ME1: variants seen among roughly 807,000 people sequenced by gnomAD.
ME1 encodes the protein malic enzyme 1.
Under a neutral mutation model 66.4 loss-of-function variants are expected in ME1, and 74 were observed. The ratio of observed to expected loss-of-function variants is 1.11; its 90% confidence interval spans 0.92 to 1.35. The LOEUF (loss-of-function observed/expected upper bound fraction) is 1.35. Ranked by LOEUF, ME1 falls within the 40% of genes most tolerant of loss-of-function variation. The pLI, the probability that ME1 is intolerant of heterozygous loss-of-function variation, is 0.00. For synonymous variants in ME1, 251 were observed against 235.6 expected, an observed-to-expected ratio of 1.07 and a Z score of -0.60; for missense variants, 750 against 694.1, an observed-to-expected ratio of 1.08 and a Z score of -0.90.
intron 6 of ME1, among the ~76,000 whole-genome samples, chr6:83,309,908 T>A (rs1447852385): frequency 6.6e-6 from 1 of 152,022 alleles, no homozygotes. Flanking sequence ...AGAAATTCTG[T>A]ATGTTGGGCT....
intron 13 of ME1, among the ~76,000 whole-genome samples, chr6:83,214,016 TTTA>T (rs1472275305): frequency 6.6e-6 from 1 of 152,212 alleles, no homozygotes; most frequent in South Asian, 2.1e-4. Context: ...TTTAAACAGA[TTTA>T]TTGAGATATA....
intron 12 of ME1, among the ~76,000 whole-genome samples, chr6:83,220,239 TA>T (rs1213623196): frequency 1.3e-5 from 2 of 152,126 alleles, no homozygotes; most frequent in Non-Finnish European, 2.9e-5. Flanking sequence ...GATGATTATC[TA>T]AAGGGTCCTC....
intron 6 of ME1, among the ~76,000 whole-genome samples, chr6:83,309,339 T>A (rs1416588806): frequency 6.6e-6 from 1 of 151,974 alleles, no homozygotes; most frequent in Non-Finnish European, 1.5e-5. Context: ...GTAAAAGAGG[T>A]TCAGTTAAGA....
At chr6:83,424,059 T>C (rs1341394806) in intron 1 of ME1, among the ~76,000 whole-genome samples, 1 of 149,940 alleles carries the variant, frequency 6.7e-6, no homozygotes, top group Admixed American at 6.7e-5. Flanking sequence ...ATCACGCCAT[T>C]GCACTCCAGC....
At chr6:83,270,406 T>TA (rs3839446) in intron 6 of ME1, among the ~76,000 whole-genome samples, 10,806 of 150,108 alleles carry the variant, frequency 0.072, 474 homozygotes, top group Admixed American at 0.097. Context: ...TTCTCAAAAA[T>TA]AAAAAAAAAA....
At chr6:83,237,318 A>G (rs1411162290) in intron 9 of ME1, among the ~76,000 whole-genome samples, 1 of 143,536 alleles carries the variant, frequency 7.0e-6, no homozygotes. Flanking sequence ...AAGAAAGAAA[A>G]GGAAGGAAAG....
At chr6:83,279,821 C>T (rs1263795753) in intron 6 of ME1, among the ~76,000 whole-genome samples, 1 of 152,126 alleles carries the variant, frequency 6.6e-6, no homozygotes, top group Non-Finnish European at 1.5e-5. Flanking sequence ...ATTATCTACA[C>T]ATAGGCATAT....
chr6:83,221,171 T>C (rs1393348255), intron 12 of ME1, among the ~76,000 whole-genome samples: 3 of 133,586 alleles, frequency 2.2e-5, no homozygotes, highest in African/African-American at 3.2e-5. Flanking sequence ...AAAAAAAAGA[T>C]AATCTACAAT....
chr6:83,323,573 G>A (rs1187877597), intron 5 of ME1, among the ~76,000 whole-genome samples: 2 of 151,362 alleles, frequency 1.3e-5, no homozygotes, highest in Non-Finnish European at 2.9e-5. Context: ...AACAAATAAA[G>A]ATCAAAAGAG....
At chr6:83,272,793 C>A (rs1370584910) in intron 6 of ME1, among the ~76,000 whole-genome samples, 1 of 152,136 alleles carries the variant, frequency 6.6e-6, no homozygotes, top group African/African-American at 2.4e-5. Flanking sequence ...TATGCGTATA[C>A]ATTTATATTG....
intron 4 of ME1, among the ~76,000 whole-genome samples, chr6:83,347,693 A>G (rs1222863348): frequency 6.6e-6 from 1 of 152,184 alleles, no homozygotes; most frequent in Non-Finnish European, 1.5e-5. Context: ...ATGATATATA[A>G]AGAACTTACC....
chr6:83,253,553 G>A, intron 7 of ME1, 76 bp downstream of exon 7: 1 of 770,066 alleles, frequency 1.3e-6, no homozygotes, highest in Admixed American at 1.9e-5. Flanking sequence ...TATATTGATT[G>A]AATTTGAATC....
chr6:83,303,134 G>C (rs1307905421), intron 6 of ME1, among the ~76,000 whole-genome samples: 1 of 152,026 alleles, frequency 6.6e-6, no homozygotes, highest in Admixed American at 6.6e-5. Context: ...AGAGACCCAA[G>C]AATAATAAAT....
intron 1 of ME1, among the ~76,000 whole-genome samples, chr6:83,415,135 G>A (rs1770134041): frequency 6.6e-6 from 1 of 152,116 alleles, no homozygotes; most frequent in Admixed American, 6.5e-5. Context: ...TGTGTATAGT[G>A]ATTACTCATA....
chr6:83,347,099 G>T (rs560988455), intron 4 of ME1, among the ~76,000 whole-genome samples: 1 of 151,682 alleles, frequency 6.6e-6, no homozygotes, highest in Non-Finnish European at 1.5e-5. Context: ...GATTACAGGC[G>T]CCCGCCACCA....
At chr6:83,317,739 C>T (rs1210149193) in intron 5 of ME1, among the ~76,000 whole-genome samples, 1 of 152,070 alleles carries the variant, frequency 6.6e-6, no homozygotes, top group Non-Finnish European at 1.5e-5. Context: ...AGGTAATTTA[C>T]AGATTCAATG....
intron 12 of ME1, among the ~76,000 whole-genome samples, chr6:83,221,547 A>C (rs1236560558): frequency 6.6e-6 from 1 of 152,202 alleles, no homozygotes; most frequent in East Asian, 1.9e-4. Context: ...ATCACTAATA[A>C]AAATGTGAAT....
chr6:83,393,398 T>C, intron 3 of ME1: 1 of 715,510 alleles, frequency 1.4e-6, no homozygotes, highest in Non-Finnish European at 2.5e-6. Flanking sequence ...CAGTGTGGCT[T>C]CCAAGGAGTA....
At chr6:83,290,528 G>A (rs911544714) in intron 6 of ME1, among the ~76,000 whole-genome samples, 1 of 152,130 alleles carries the variant, frequency 6.6e-6, no homozygotes, top group African/African-American at 2.4e-5. Context: ...TATATTTGCT[G>A]AGTGTTTTAC....
Sources: allele counts gnomAD v4.1 joint callset (sites outside exome capture counted in the v4.1 genomes callset), GRCh38; gene constraint gnomAD v4.1.1; transcripts MANE v1.5; gene names NCBI Gene and HGNC (gene_info 2026-07-23, HGNC 2026-07-21).